Variants in MARCHF7 observed in about 807,000 individuals in gnomAD.
MARCHF7 encodes the protein E3 ubiquitin-protein ligase MARCHF7.
Under a neutral mutation model 76.5 loss-of-function variants are expected in MARCHF7, and 20 were observed. The ratio of observed to expected loss-of-function variants is 0.26; its 90% CI spans 0.18 to 0.38. MARCHF7 has a LOEUF of 0.38. MARCHF7 is among the 10% of genes least tolerant of loss of function. MARCHF7 has a pLI of 1.00. For synonymous variants in MARCHF7, 295 were observed against 293.0 expected, an observed-to-expected ratio of 1.01 and a Z score of -0.07; for missense variants, 797 against 812.9, an observed-to-expected ratio of 0.98 and a Z score of 0.24.
Position 159,770,450 on chromosome 2 carries a change from A to G in MARCHF7, c.*3108A>G, listed in dbSNP as rs1708103725. On this transcript the variant is annotated 3_prime_UTR_variant, in exon 12 of 12. Coordinates refer to ENST00000409175, the MANE Select transcript of MARCHF7 (RefSeq NM_001282805.2). ...TGAGTGTTTTCGATTCATGTGGTCA[A>G]TAAAAAGAGACTACACAAGCTGGAA... The G allele has an allele frequency of 6.6e-6, 1 of 152,186 alleles. No homozygotes were observed. Among genetic ancestry groups the G allele is most frequent in the African/African-American group, 2.4e-5 (1 of 41,442 alleles). The allele number at this position is 152,186 out of a possible 1,614,324, so 9.4% of individuals were successfully genotyped here.
chr2:159,758,689 A>G (rs1427898056), intron 8 of MARCHF7, among the ~76,000 whole-genome samples: 1 of 152,200 alleles, frequency 6.6e-6, no homozygotes. Flanking sequence ...TTTATGACTG[A>G]AGGGAGCTGT....
chr2:159,733,586 T>G, intron 4 of MARCHF7: 2 of 983,620 alleles, frequency 2.0e-6, no homozygotes, highest in Non-Finnish European at 2.4e-6. Context: ...GCTTTTTAAC[T>G]CACAACTCTT....
rs936915000 is a variant in MARCHF7, at chr2:159,767,335, T to C, written c.2108T>C (p.Ile703Thr). The change falls in exon 12 of 12, where the codon ATT becomes ACT. Residue 703 changes from isoleucine to threonine, a missense_variant. Around this residue, in one of 3 missense-constraint regions of MARCHF7, gnomAD observed 124 missense variants for 121.3 expected, o/e 1.02. Coordinates refer to ENST00000409175, the MANE Select transcript of MARCHF7 (RefSeq NM_001282805.2). ...GGAGACCATAACAGGACATTTGATA[T>C]TGCCTAACTTCATATAAGACAGATG... Reference protein sequence around the residue: ...EDGDHNRTFDIA With the variant: ...EDGDHNRTFDTA 2.5e-6 allele frequency: 4 copies of C among 1,609,146 alleles called. No individual in the cohort carries two copies. Among genetic ancestry groups the C allele is most frequent in the African/African-American group, 1.3e-5 (1 of 74,932 alleles).
chr2:159,752,603 T>TA, intron 8 of MARCHF7, 32 bp downstream of exon 8: 1 of 1,429,136 alleles, frequency 7.0e-7, no homozygotes, highest in Non-Finnish European at 9.2e-7. Context: ...TTTCACAATT[T>TA]TTCTAAGAGA....
intron 4 of MARCHF7, 112 bp from the exon 5 acceptor site, chr2:159,742,946 AAAG>A (rs1704320326): frequency 3.2e-6 from 3 of 950,346 alleles, no homozygotes; most frequent in Middle Eastern, 2.3e-4. Flanking sequence ...CAAAAAAAAA[AAAG>A]AACTACGTGG....
intron 4 of MARCHF7, among the ~76,000 whole-genome samples, chr2:159,739,185 A>T (rs1468585149): frequency 1.3e-5 from 2 of 152,216 alleles, no homozygotes; most frequent in East Asian, 3.8e-4. Context: ...TGGGTCAGGG[A>T]GCACAGGGCT....
In MARCHF7 at chr2:159,762,520, C is replaced by T. The variant is rs555662451; in HGVS notation, c.1894-360C>T. 2.0e-5 allele frequency among the ~76,000 whole-genome samples: 3 copies of T among 152,258 alleles called. No homozygotes were observed. In the South Asian group the frequency reaches 6.2e-4, roughly 32 times the overall value. ...GATTTTAGTTACAGCAGTATATTGG[C>T]ATAGCTATAGATGAAATGTAATTTT... On this transcript the variant is annotated intron_variant, in intron 9 of 11. Transcript: ENST00000409175.
At position 159,756,687 on chromosome 2, in the gene MARCHF7, C is replaced by CAA. The variant is rs869261420; in HGVS notation, c.1784-2513_1784-2512dup. On this transcript the variant is annotated intron_variant, in intron 8 of 11. Transcript: ENST00000409175. ...GGGTGACAAGAGTGACACTCAGTCT[C>CAA]AAAAAAAAAAAAAAAAAAAAAAAAA... Among the ~76,000 whole-genome samples the CAA allele has an allele frequency of 9.8e-4, 63 of 64,234 alleles. 6 individuals carry two copies. The highest frequency in any genetic ancestry group is 1.7e-3 in the Admixed American group (8 of 4,722). The allele number at this position is 64,234 out of a possible 152,430, so 42.1% of individuals were successfully genotyped here.
At chr2:159,744,171 T>C (rs1299472131) in intron 5 of MARCHF7, among the ~76,000 whole-genome samples, 1 of 151,454 alleles carries the variant, frequency 6.6e-6, no homozygotes, top group Non-Finnish European at 1.5e-5. Context: ...GTATTTTTAG[T>C]AGAGACGGGG....
intron 10 of MARCHF7, 108 bp from the exon 11 acceptor site, chr2:159,764,518 A>G: frequency 1.3e-6 from 1 of 758,002 alleles, no homozygotes; most frequent in South Asian, 2.9e-5. Context: ...TTAAAGGCTT[A>G]AACTGATGTT....
At chr2:159,752,185 ACAATTTTTATTCT>A (rs1252097460) in intron 7 of MARCHF7, among the ~76,000 whole-genome samples, 1 of 152,198 alleles carries the variant, frequency 6.6e-6, no homozygotes, top group African/African-American at 2.4e-5. Flanking sequence ...AATACTTGTT[ACAATTTTTATTCT>A]CAATGAGAGA....
rs1213552364 is a variant in MARCHF7 at position 159,747,785 on chromosome 2, T to A, written c.515-20T>A. ...GCTCAAATTATTTCATGTAATTGGT[T>A]ATCTTCCTTTCAAAAATAGATGTTC... On this transcript the variant is annotated intron_variant, in intron 6 of 11. Coordinates refer to ENST00000409175, the MANE Select transcript of MARCHF7 (RefSeq NM_001282805.2). 2 of 1,542,184 alleles carry A rather than the reference T, an allele frequency of 1.3e-6. No homozygotes were observed. Among genetic ancestry groups the A allele is most frequent in the East Asian group, 2.3e-5 (1 of 44,342 alleles).
chr2:159,737,179 GT>G (rs1256720070), intron 4 of MARCHF7, among the ~76,000 whole-genome samples: 3 of 152,068 alleles, frequency 2.0e-5, no homozygotes, highest in African/African-American at 7.2e-5. Context: ...AGATTGATTA[GT>G]TTTCATAAAA....
In MARCHF7 at chr2:159,770,118, T is replaced by TA. The variant is rs1490966409; in HGVS notation, c.*2777dup. Reference sequence around the variant, plus strand: ...TTTAGAACTCTTTTAGTTCACATAATACGCCATATTTTTTTTACTGTGCCT... The same window carrying TA: ...TTTAGAACTCTTTTAGTTCACATAATAACGCCATATTTTTTTTACTGTGCCT... On this transcript the variant is annotated 3_prime_UTR_variant, in exon 12 of 12. Coordinates refer to ENST00000409175, the MANE Select transcript of MARCHF7 (RefSeq NM_001282805.2). 2.5e-5 allele frequency: 3 copies of TA among 118,550 alleles called. No homozygotes were observed. Among genetic ancestry groups the TA allele is most frequent in the African/African-American group, 4.3e-5 (1 of 23,212 alleles). The allele number at this position is 118,550 out of a possible 1,614,324, so 7.3% of individuals were successfully genotyped here. A position where few individuals can be genotyped will look rare whatever the true frequency, so the allele number is the denominator to read the frequency against.
intron 5 of MARCHF7, among the ~76,000 whole-genome samples, chr2:159,743,747 A>G (rs200050048): frequency 6.0e-5 from 4 of 67,154 alleles, no homozygotes; most frequent in Non-Finnish European, 1.4e-4. Context: ...CAAAAAAAAA[A>G]AAAGAGAGAA....
At chr2:159,713,745 G>A (rs1700628077) in intron 1 of MARCHF7, among the ~76,000 whole-genome samples, 1 of 152,172 alleles carries the variant, frequency 6.6e-6, no homozygotes, top group South Asian at 2.1e-4. Flanking sequence ...GACAGGACTG[G>A]TGCATGAGGC....
intron 9 of MARCHF7, among the ~76,000 whole-genome samples, chr2:159,760,221 T>A (rs1197522927): frequency 6.6e-6 from 1 of 152,240 alleles, no homozygotes; most frequent in Non-Finnish European, 1.5e-5. Context: ...TGATATTTTC[T>A]GAACCACTTT....
chr2:159,744,918 A>G (rs1444982146), intron 5 of MARCHF7, among the ~76,000 whole-genome samples: 1 of 152,248 alleles, frequency 6.6e-6, no homozygotes, highest in East Asian at 1.9e-4. Context: ...CTTTTAAATC[A>G]TATCTAATAA....
chr2:159,743,737 CAAA>C (rs34531157), intron 5 of MARCHF7, among the ~76,000 whole-genome samples: 3 of 128,438 alleles, frequency 2.3e-5, no homozygotes, highest in Admixed American at 1.5e-4. Context: ...CTGTTTCTAC[CAAA>C]AAAAAAAAAA....
Sources: gnomAD v4.1 joint callset for allele counts (sites outside exome capture counted in the v4.1 genomes callset) on GRCh38, gnomAD v4.1.1 for gene constraint, gnomAD v4.1.1 regional missense constraint, MANE v1.5 for transcripts, NCBI Gene and HGNC (gene_info 2026-07-23, HGNC 2026-07-21) for gene names.